Variants in TNNI3K observed in about 807,000 individuals in gnomAD.
The protein encoded by TNNI3K is TNNI3 interacting kinase.
Under a neutral mutation model 114.5 loss-of-function variants are expected in TNNI3K, and 140 were observed. The observed-to-expected ratio is 1.22, with a 90% CI of 1.07 to 1.41. TNNI3K has a LOEUF of 1.41. Among genes scored for constraint, TNNI3K ranks in the 40% most tolerant of loss-of-function variants. The probability of loss-of-function intolerance (pLI) is 0.00; values close to 1 mark genes in which losing one functional copy is unlikely to be tolerated. For synonymous variants in TNNI3K, 347 were observed against 347.5 expected, an observed-to-expected ratio of 1.00 and a Z score of 0.02; for missense variants, 1,125 against 1,007.6, an observed-to-expected ratio of 1.12 and a Z score of -1.58.
chr1:74,464,599 A>C, intron 21 of TNNI3K: 1 of 1,537,388 alleles, frequency 6.5e-7, no homozygotes, highest in South Asian at 1.2e-5. Context: ...CAGATGTTTG[A>C]AAAGAGAATG....
Position 74,275,149 on chromosome 1 carries a change from A to T in TNNI3K, c.444+3441A>T, listed in dbSNP as rs45624731. Among the ~76,000 whole-genome samples the T allele has an allele frequency of 5.9e-3, 895 of 152,114 alleles. 14 individuals carry two copies. The highest frequency in any genetic ancestry group is 0.021 in the African/African-American group (865 of 41,550). ...ATAGAGATTGTATTAGTCCATTTTC[A>T]CACTGCTTATAAAGACATACCCGAG... On this transcript the variant is annotated intron_variant, in intron 5 of 24. Transcript: ENST00000326637.
At chr1:74,412,095 G>T (rs183493641) in intron 17 of TNNI3K, among the ~76,000 whole-genome samples, 4 of 152,184 alleles carry the variant, frequency 2.6e-5, no homozygotes, top group Non-Finnish European at 5.9e-5. Flanking sequence ...TTAGATAAAA[G>T]AGCCCTGCTT....
At chr1:74,269,040 A>G (rs1164975909) in intron 4 of TNNI3K, among the ~76,000 whole-genome samples, 3 of 151,870 alleles carry the variant, frequency 2.0e-5, no homozygotes, top group South Asian at 4.1e-4. Context: ...CAACAAGCTT[A>G]TATCTGTCTT....
chr1:74,349,413 G>T (rs1383829416), intron 9 of TNNI3K, among the ~76,000 whole-genome samples: 2 of 152,094 alleles, frequency 1.3e-5, no homozygotes, highest in Admixed American at 6.6e-5. Context: ...GTTCATCAAG[G>T]ATATTCGTCT....
At chr1:74,476,964 T>C (rs1345938444) in intron 21 of TNNI3K, among the ~76,000 whole-genome samples, 1 of 152,174 alleles carries the variant, frequency 6.6e-6, no homozygotes, top group African/African-American at 2.4e-5. Context: ...TAGTTTACCA[T>C]ATCTTGAACT....
At chr1:74,380,484 G>A (rs565426151) in intron 17 of TNNI3K, among the ~76,000 whole-genome samples, 6 of 152,094 alleles carry the variant, frequency 3.9e-5, no homozygotes, top group East Asian at 1.9e-4. Context: ...TCACCTTCCC[G>A]CACCCACAGA....
chr1:74,367,487 T>C (rs1477707780), intron 12 of TNNI3K, 145 bp downstream of exon 12: 2 of 844,648 alleles, frequency 2.4e-6, no homozygotes, highest in African/African-American at 1.8e-5. Context: ...AGTAACCTTA[T>C]GTCTGGGAGA....
intron 17 of TNNI3K, among the ~76,000 whole-genome samples, chr1:74,410,684 C>G (rs946620730): frequency 2.6e-5 from 4 of 152,054 alleles, no homozygotes; most frequent in Non-Finnish European, 4.4e-5. Context: ...TTTTTAAAGC[C>G]TGGTATTCCT....
intron 17 of TNNI3K, among the ~76,000 whole-genome samples, chr1:74,377,468 C>T (rs1662964801): frequency 6.6e-6 from 1 of 151,806 alleles, no homozygotes; most frequent in Non-Finnish European, 1.5e-5. Context: ...AGTGTAGAAT[C>T]TTCACAAGTA....
intron 11 of TNNI3K, among the ~76,000 whole-genome samples, 153 bp downstream of exon 11, chr1:74,354,282 G>A (rs1331252972): frequency 2.0e-5 from 3 of 152,118 alleles, no homozygotes; most frequent in Non-Finnish European, 4.4e-5. Context: ...GGATCAAAGA[G>A]TCCAATACAC....
At chr1:74,241,042 A>G (rs1354504436) in intron 2 of TNNI3K, among the ~76,000 whole-genome samples, 4 of 151,634 alleles carry the variant, frequency 2.6e-5, no homozygotes, top group East Asian at 1.9e-4. Flanking sequence ...TTGTCCTTGC[A>G]ATAGTTTGCT....
intron 11 of TNNI3K, among the ~76,000 whole-genome samples, chr1:74,358,128 T>A (rs1661760093): frequency 6.6e-6 from 1 of 152,108 alleles, no homozygotes; most frequent in South Asian, 2.1e-4. Context: ...CTCCTATATG[T>A]CAGGCTGTTT....
At chr1:74,535,817 T>G (rs1646654395) in intron 23 of TNNI3K, among the ~76,000 whole-genome samples, 1 of 152,180 alleles carries the variant, frequency 6.6e-6, no homozygotes, top group African/African-American at 2.4e-5. Context: ...CAGTCACAAT[T>G]GAATCTAACC....
chr1:74,276,520 T>C (rs1557468429), intron 5 of TNNI3K, among the ~76,000 whole-genome samples: 1 of 152,110 alleles, frequency 6.6e-6, no homozygotes, highest in African/African-American at 2.4e-5. Context: ...GTAGAGCACA[T>C]TGGGATAAAA....
chr1:74,297,724 C>T (rs1338537738), intron 5 of TNNI3K, among the ~76,000 whole-genome samples: 1 of 151,838 alleles, frequency 6.6e-6, no homozygotes, highest in African/African-American at 2.4e-5. Flanking sequence ...TCAGGGTAGT[C>T]GTATTTCTTA....
rs975995407 is a variant in TNNI3K, at chr1:74,478,233, C to G, written c.2122-10956C>G. On this transcript the variant is annotated intron_variant, in intron 21 of 24. Transcript: ENST00000326637. ...GTCTTTTTAAAGAAGAATCTCTTCT[C>G]AAAGCACTACAATTTAACAATTATT... Among the ~76,000 whole-genome samples the G allele has an allele frequency of 3.3e-5, 5 of 152,198 alleles. No individual in the cohort carries two copies. In the Middle Eastern group the frequency reaches 0.014, roughly 414 times the overall value.
intron 17 of TNNI3K, chr1:74,416,543 C>A: frequency 1.0e-6 from 1 of 985,246 alleles, no homozygotes; most frequent in Non-Finnish European, 1.2e-6. Context: ...ATCCAAGAAC[C>A]AAATTATAAC....
At chr1:74,409,644 C>A (rs1030302917) in intron 17 of TNNI3K, among the ~76,000 whole-genome samples, 1 of 151,586 alleles carries the variant, frequency 6.6e-6, no homozygotes, top group African/African-American at 2.4e-5. Flanking sequence ...CAGGTGTCTG[C>A]GACACACCTG....
At chr1:74,366,455 AG>A (rs1338085861) in intron 11 of TNNI3K, 1 of 152,004 alleles carries the variant, frequency 6.6e-6, no homozygotes, top group Admixed American at 6.6e-5. Flanking sequence ...GTGTTATAAT[AG>A]AAAAGTATTT....
Sources: allele counts gnomAD v4.1 joint callset (sites outside exome capture counted in the v4.1 genomes callset), GRCh38; gene constraint gnomAD v4.1.1; transcripts MANE v1.5; gene names NCBI Gene and HGNC (gene_info 2026-07-23, HGNC 2026-07-21).